TNRC6B: variants seen among roughly 807,000 people sequenced by gnomAD.
TNRC6B encodes the protein trinucleotide repeat containing adaptor 6B, also known as trinucleotide repeat-containing gene 6B protein.
Under a neutral mutation model 203.6 loss-of-function variants are expected in TNRC6B, and 52 were observed. That is an observed-to-expected ratio of 0.26 (90% CI 0.20 to 0.32). The LOEUF (loss-of-function observed/expected upper bound fraction) is 0.32, where lower values mean the gene tolerates loss of function less well. Ranked by LOEUF, TNRC6B falls within the 10% of genes least tolerant of loss-of-function variation. TNRC6B has a pLI of 1.00. For missense variants in TNRC6B, 1,923 were observed against 2,286.2 expected (o/e 0.84, Z 3.24); for synonymous variants, 838 against 845.7 (o/e 0.99, Z 0.16).
chr22:40,096,403 A>AGATAGGATGTTTTTATTAACTGAGCCC (rs2068186358), intron 1 of TNRC6B, among the ~76,000 whole-genome samples: 3 of 152,194 alleles, frequency 2.0e-5, no homozygotes, highest in Non-Finnish European at 4.4e-5. Context: ...TTTCCTGCAG[A>AGATAGGATGTTTTTATTAACTGAGCCC]GATAGGATGT....
chr22:40,258,745 C>T (rs1487429151), intron 3 of TNRC6B, among the ~76,000 whole-genome samples: 1 of 152,234 alleles, frequency 6.6e-6, no homozygotes, highest in Middle Eastern at 3.4e-3. Context: ...TCCATTCTGT[C>T]TCTGATGTGG....
intron 1 of TNRC6B, among the ~76,000 whole-genome samples, chr22:40,090,428 C>T (rs1305397278): frequency 4.0e-5 from 6 of 150,890 alleles, no homozygotes; most frequent in Non-Finnish European, 8.8e-5. Context: ...ATTTGTAGTT[C>T]CCTAATGACA....
Position 40,266,177 on chromosome 22 carries a change from A to T in TNRC6B, c.1947A>T (p.Gly649=), listed in dbSNP as rs1412320328. The change falls in exon 5 of 23, where the codon GGA becomes GGT. Residue 649 remains glycine (G), a synonymous_variant. Transcript: ENST00000454349. The part of the protein sequence containing the change: ...VPRPEGKSDK[G]TEGWESAATQ... ...GGCCTGAGGGGAAATCTGACAAAGG[A>T]ACTGAGGGGTGGGAGAGCGCTGCCA... 2 of 1,613,722 alleles carry T rather than the reference A, an allele frequency of 1.2e-6. No individual in the cohort carries two copies. Among genetic ancestry groups the T allele is most frequent in the South Asian group, 1.1e-5 (1 of 91,052 alleles).
At chr22:40,278,090 G>A (rs1196441264) in intron 9 of TNRC6B, 46 bp downstream of exon 9, 4 of 1,490,608 alleles carry the variant, frequency 2.7e-6, no homozygotes, top group Middle Eastern at 1.7e-4. Flanking sequence ...CAGTGTTACA[G>A]TGTCCTTTTG....
intron 3 of TNRC6B, among the ~76,000 whole-genome samples, chr22:40,259,864 C>T (rs912539479): frequency 3.9e-5 from 6 of 152,198 alleles, no homozygotes; most frequent in South Asian, 2.1e-4. Context: ...CCCTGGGAGG[C>T]AGGGATTTGG....
At chr22:40,097,503 C>G (rs1165522005) in intron 1 of TNRC6B, among the ~76,000 whole-genome samples, 3 of 151,976 alleles carry the variant, frequency 2.0e-5, no homozygotes, top group African/African-American at 7.3e-5. Flanking sequence ...GAGATTGGGT[C>G]TTGCTATATT....
chr22:40,246,244 C>T, intron 2 of TNRC6B, 142 bp downstream of exon 2: 1 of 565,990 alleles, frequency 1.8e-6, no homozygotes, highest in Non-Finnish European at 2.9e-6. Context: ...GGCTGGAGTG[C>T]AGTGGCGTGA....
intron 1 of TNRC6B, among the ~76,000 whole-genome samples, chr22:40,087,360 T>TA (rs2068109709): frequency 6.6e-6 from 1 of 152,236 alleles, no homozygotes; most frequent in South Asian, 2.1e-4. Flanking sequence ...TTATACATGA[T>TA]ATGTTAAGCT....
intron 22 of TNRC6B, among the ~76,000 whole-genome samples, chr22:40,322,389 G>T (rs775880453): frequency 6.6e-6 from 1 of 152,130 alleles, no homozygotes; most frequent in Non-Finnish European, 1.5e-5. Flanking sequence ...GTTTACATTA[G>T]AGTTCACTCG....
chr22:40,115,611 TCCTGCTGAGTGAAGAAAATGGACCCGTGG>T (rs1276772946), intron 1 of TNRC6B, among the ~76,000 whole-genome samples: 1 of 152,166 alleles, frequency 6.6e-6, no homozygotes, highest in Non-Finnish European at 1.5e-5. Context: ...ATCAAGGAGC[TCCTGCTGAGTGAAGAAAATGGACCCGTGG>T]ATATTACCAA....
intron 1 of TNRC6B, among the ~76,000 whole-genome samples, chr22:40,182,405 G>A (rs773359317): frequency 1.4e-4 from 22 of 152,308 alleles, no homozygotes; most frequent in Non-Finnish European, 1.9e-4. Context: ...AGTATTGTTC[G>A]TGGATTTACT....
At chr22:40,050,594 C>T (rs2067736315) in intron 1 of TNRC6B, among the ~76,000 whole-genome samples, 1 of 152,148 alleles carries the variant, frequency 6.6e-6, no homozygotes, top group Non-Finnish European at 1.5e-5. Flanking sequence ...CGTCCCACTA[C>T]CCCCATCCAC....
At chr22:40,228,263 A>G (rs900870269) in intron 1 of TNRC6B, among the ~76,000 whole-genome samples, 2 of 151,798 alleles carry the variant, frequency 1.3e-5, no homozygotes, top group Non-Finnish European at 2.9e-5. Context: ...CCCCGTCTCT[A>G]CTAAAAATAC....
At position 40,163,480 on chromosome 22, in the gene TNRC6B, A is replaced by AAAAAAAAAC. The variant is rs568063097; in HGVS notation, c.113+7298_113+7299insAAAAAAAAC. Among the ~76,000 whole-genome samples, 273 of 66,224 alleles carry AAAAAAAAAC rather than the reference A, an allele frequency of 4.1e-3. 80 individuals carry two copies. Among genetic ancestry groups the AAAAAAAAAC allele is most frequent in the South Asian group, 7.9e-3 (13 of 1,638 alleles). 43.4% of individuals were successfully genotyped at this position (66,224 alleles called of 152,430 possible). On this transcript the variant is annotated intron_variant, in intron 4 of 23. Transcript: ENST00000301923. ...TCAAAAAAAAAAAAAAAAAAAAAAA[A>AAAAAAAAAC]GGCCAGGCACGGTGGCTCACGCCTG...
chr22:40,264,502 G>A (rs2070443082), intron 4 of TNRC6B, among the ~76,000 whole-genome samples, 186 bp from the exon 5 acceptor site: 2 of 152,048 alleles, frequency 1.3e-5, no homozygotes, highest in African/African-American at 2.4e-5. Context: ...GACTTAACCG[G>A]TGTAACACAA....
At chr22:40,069,812 A>G (rs2067931595) in intron 1 of TNRC6B, among the ~76,000 whole-genome samples, 1 of 152,086 alleles carries the variant, frequency 6.6e-6, no homozygotes, top group Admixed American at 6.6e-5. Context: ...GACAGAAATA[A>G]TTAGGGGTTC....
At chr22:40,219,792 C>T (rs1005920185) in intron 1 of TNRC6B, among the ~76,000 whole-genome samples, 1 of 152,272 alleles carries the variant, frequency 6.6e-6, no homozygotes, top group African/African-American at 2.4e-5. Flanking sequence ...TACATTCTGT[C>T]CTATTACCCT....
At chr22:40,051,439 G>C (rs914845556) in intron 1 of TNRC6B, among the ~76,000 whole-genome samples, 1 of 152,162 alleles carries the variant, frequency 6.6e-6, no homozygotes, top group Non-Finnish European at 1.5e-5. Context: ...CCCAGCATGG[G>C]GCTTCTAAAG....
At chr22:40,217,145 A>G (rs2146429985) in intron 1 of TNRC6B, among the ~76,000 whole-genome samples, 1 of 152,288 alleles carries the variant, frequency 6.6e-6, no homozygotes, top group South Asian at 2.1e-4. Flanking sequence ...CTAACCTTGG[A>G]AGCATTTCCC....
Sources: gnomAD v4.1 joint callset for allele counts (sites outside exome capture counted in the v4.1 genomes callset) on GRCh38, gnomAD v4.1.1 for gene constraint, MANE v1.5 for transcripts, NCBI Gene and HGNC (gene_info 2026-07-23, HGNC 2026-07-21) for gene names.